ASCC3: variants seen among roughly 807,000 people sequenced by gnomAD.
ASCC3 encodes ASC-1 complex subunit P200.
In ASCC3, 158 loss-of-function variants were observed where a neutral mutation model predicts 256.3. That is an observed-to-expected ratio of 0.62 (90% CI 0.54 to 0.70). ASCC3 has a LOEUF of 0.70. Ranked by LOEUF, ASCC3 falls within the 30% of genes least tolerant of loss-of-function variation. The probability of loss-of-function intolerance (pLI) is 0.00; values close to 1 mark genes in which losing one functional copy is unlikely to be tolerated. For synonymous variants in ASCC3, 948 were observed against 883.4 expected, an observed-to-expected ratio of 1.07 and a Z score of -1.30; for missense variants, 2,259 against 2,626.0, an observed-to-expected ratio of 0.86 and a Z score of 3.05.
intron 3 of ASCC3, among the ~76,000 whole-genome samples, chr6:100,854,527 G>C (rs1562346320): frequency 6.6e-6 from 1 of 152,058 alleles, no homozygotes; most frequent in Non-Finnish European, 1.5e-5. Context: ...AGCAAACAAA[G>C]ATATTTGTTA....
At position 100,620,457 on chromosome 6, in the gene ASCC3, A is replaced by G. The variant is rs1773893149; in HGVS notation, c.4785+4735T>C. 2.0e-5 allele frequency among the ~76,000 whole-genome samples: 3 copies of G among 152,140 alleles called. No individual in the cohort carries two copies. In the South Asian group the frequency reaches 6.2e-4, roughly 31 times the overall value. ...CTATACTGGATTAAGAAGATAGATG[A>G]ATAACTCTTTTTGCCTTTGCCAATA... On this transcript the variant is annotated intron_variant, in intron 30 of 41. Transcript: ENST00000369162.
chr6:100,584,648 C>T (rs997921549), intron 36 of ASCC3, among the ~76,000 whole-genome samples: 1 of 151,276 alleles, frequency 6.6e-6, no homozygotes, highest in African/African-American at 2.4e-5. Context: ...GGTTATTTTG[C>T]TCATTAGTTT....
chr6:100,516,133 C>T (rs1774014448), intron 39 of ASCC3, 47 bp downstream of exon 39: 4 of 1,612,172 alleles, frequency 2.5e-6, no homozygotes, highest in Admixed American at 1.7e-5. Context: ...CTTGGTACAC[C>T]TTCTCAGAGT....
At chr6:100,752,044 TG>T (rs960477218) in intron 10 of ASCC3, among the ~76,000 whole-genome samples, 11 of 152,150 alleles carry the variant, frequency 7.2e-5, no homozygotes, top group African/African-American at 2.7e-4. Context: ...TAGGAGTCCT[TG>T]GGAAATGTTT....
At chr6:100,814,027 G>T (rs573971268) in intron 4 of ASCC3, among the ~76,000 whole-genome samples, 1 of 152,176 alleles carries the variant, frequency 6.6e-6, no homozygotes, top group South Asian at 2.1e-4. Context: ...CACTTTTCAA[G>T]GGGAATGCTT....
Position 100,725,637 on chromosome 6 carries a change from A to C in ASCC3, c.1804T>G (p.Ser602Ala). 6.2e-7 allele frequency: 1 copy of C among 1,612,678 alleles called. No individual in the cohort carries two copies. The highest frequency in any genetic ancestry group is 8.5e-7 in the Non-Finnish European group (1 of 1,179,136). Residue 602 changes from serine (S) to alanine (A), a missense_variant, in exon 11 of 42, where the codon TCC becomes GCC. By Grantham distance (99) the Ser-to-Ala change is moderately conservative. This residue lies in a region of ASCC3 where 1,839 missense variants were observed against 2,206.7 expected (regional missense o/e 0.83). Coordinates refer to ENST00000369162, the MANE Select transcript of ASCC3 (RefSeq NM_006828.4). ...AGAATAAGGAGCCTTACAATCTGGG[A>C]AAGAGCTACATCCCCAACACTCTTT... Reference protein sequence around the residue: ...TRKSVGDVALSQIVRLLILDE... With the variant: ...TRKSVGDVALAQIVRLLILDE...
At chr6:100,541,860 C>A (rs1028059572) in intron 36 of ASCC3, among the ~76,000 whole-genome samples, 4 of 152,126 alleles carry the variant, frequency 2.6e-5, no homozygotes, top group African/African-American at 9.7e-5. Flanking sequence ...TAAAAAGTTA[C>A]TGACAACTAC....
intron 36 of ASCC3, among the ~76,000 whole-genome samples, chr6:100,560,267 C>A (rs556893960): frequency 1.3e-5 from 2 of 151,996 alleles, no homozygotes; most frequent in Non-Finnish European, 2.9e-5. Flanking sequence ...GGTAAACTTT[C>A]GAGAAGTTAT....
At chr6:100,825,007 C>T (rs1354613550) in intron 4 of ASCC3, among the ~76,000 whole-genome samples, 1 of 151,992 alleles carries the variant, frequency 6.6e-6, no homozygotes, top group Non-Finnish European at 1.5e-5. Context: ...ACCCCATGTA[C>T]CATTCCAAAG....
rs141508528 is a variant in ASCC3 at position 100,838,398 on chromosome 6, T to C, written c.801+9750A>G. Among the ~76,000 whole-genome samples the C allele has an allele frequency of 1.6e-4, 24 of 152,126 alleles. No homozygotes were observed. In the East Asian group the frequency reaches 4.2e-3, roughly 27 times the overall value. On this transcript the variant is annotated intron_variant, in intron 4 of 41. Transcript: ENST00000369162. The stretch of plus-strand genomic sequence containing the variant: ...ATTATTCTTACTCTGAATTGTGGCA[T>C]AGAAAATTATTAAGTATTCATACAT...
At chr6:100,801,576 G>A (rs998539032) in intron 5 of ASCC3, among the ~76,000 whole-genome samples, 1 of 151,860 alleles carries the variant, frequency 6.6e-6, no homozygotes, top group Non-Finnish European at 1.5e-5. Flanking sequence ...CTCAATCATA[G>A]GGAAAACTTG....
intron 9 of ASCC3, among the ~76,000 whole-genome samples, 178 bp downstream of exon 9, chr6:100,766,967 A>G (rs1444702256): frequency 1.3e-5 from 2 of 152,320 alleles, no homozygotes; most frequent in South Asian, 2.1e-4. Flanking sequence ...ATGGTAATAG[A>G]ATTTTCATAA....
At chr6:100,856,972 C>T (rs1772977864) in intron 3 of ASCC3, 1 of 152,092 alleles carries the variant, frequency 6.6e-6, no homozygotes, top group African/African-American at 2.4e-5. Context: ...TAAAATTTCA[C>T]TTGTCCAACC....
intron 1 of ASCC3, among the ~76,000 whole-genome samples, chr6:100,869,674 A>G (rs1773641517): frequency 1.3e-5 from 2 of 152,220 alleles, no homozygotes; most frequent in African/African-American, 4.8e-5. Context: ...AAATTGAAAT[A>G]TATCAATAAT....
chr6:100,716,096 T>G (rs1279420415), intron 12 of ASCC3, among the ~76,000 whole-genome samples: 1 of 151,858 alleles, frequency 6.6e-6, no homozygotes, highest in African/African-American at 2.4e-5. Flanking sequence ...TAATATAAAA[T>G]TTATGAATTA....
intron 4 of ASCC3, among the ~76,000 whole-genome samples, chr6:100,815,471 G>A (rs1429560347): frequency 6.6e-6 from 1 of 151,434 alleles, no homozygotes; most frequent in African/African-American, 2.4e-5. Flanking sequence ...GCAATCCTAT[G>A]CAGACAGAAC....
intron 13 of ASCC3, among the ~76,000 whole-genome samples, chr6:100,693,153 TAA>T (rs1273180678): frequency 1.3e-5 from 2 of 152,152 alleles, no homozygotes; most frequent in African/African-American, 2.4e-5. Context: ...CATTTGATTA[TAA>T]GTTTTTGATA....
Position 100,512,841 on chromosome 6 carries a change from T to C in ASCC3, c.6153A>G (p.Glu2051=). ...TTGAGACAGAGAGTTCATTATGTCC[T>C]TCAACTAAGTCATCCCACGAGCCTT... ...SVKGSWDDLV[E]GHNELSVSTL... The change falls in exon 40 of 42, where the codon GAA becomes GAG. Residue 2051 remains glutamate, a synonymous_variant. Transcript: ENST00000369162. The C allele has an allele frequency of 3.1e-6, 5 of 1,614,118 alleles. No individual in the cohort carries two copies. The highest frequency in any genetic ancestry group is 4.2e-6 in the Non-Finnish European group (5 of 1,180,002).
chr6:100,546,515 G>A (rs1775724777), intron 36 of ASCC3, among the ~76,000 whole-genome samples: 1 of 152,030 alleles, frequency 6.6e-6, no homozygotes, highest in Non-Finnish European at 1.5e-5. Context: ...GAACAGCACA[G>A]AAGACAGACA....
Sources: gnomAD v4.1 joint callset for allele counts (sites outside exome capture counted in the v4.1 genomes callset) on GRCh38, gnomAD v4.1.1 for gene constraint, gnomAD v4.1.1 regional missense constraint, MANE v1.5 for transcripts, NCBI Gene and HGNC (gene_info 2026-07-23, HGNC 2026-07-21) for gene names.